The following FGF13 variants were observed in gnomAD, a reference collection of about 807,000 sequenced individuals.
The protein encoded by FGF13 is fibroblast growth factor homologous factor 2.
In FGF13, 2 loss-of-function variants were observed where a neutral mutation model predicts 19.5. The ratio of observed to expected loss-of-function variants is 0.10; its 90% CI spans 0.04 to 0.32. The LOEUF is 0.32. Among genes scored for constraint, FGF13 ranks in the 10% least tolerant of loss-of-function variants. The pLI, the probability that FGF13 is intolerant of heterozygous loss-of-function variation, is 1.00. For synonymous variants in FGF13, 72 were observed against 76.9 expected (o/e 0.94, Z 0.33); for missense variants, 113 against 192.7 (o/e 0.59, Z 2.45).
chrX:139,090,616 C>A lies in FGF13; in HGVS notation c.-113+112800G>T, dbSNP rs545450210. Among the ~76,000 whole-genome samples the A allele has an allele frequency of 2.9e-4, 32 of 110,637 alleles. No homozygotes were observed. The South Asian group carries it at 0.013, about 43-fold the overall frequency. ...CTCCCACCCTCTGCCCTCCGATAGG[C>A]CCCAGTGTGTGCTGTTAAACGTGCA... On this transcript the variant is annotated intron_variant, in intron 1 of 2. Coordinates refer to the FGF13 transcript ENST00000421460.
At chrX:138,729,648 T>C (rs1240691197) in intron 1 of FGF13, among the ~76,000 whole-genome samples, 4 of 109,747 alleles carry the variant, frequency 3.6e-5, no homozygotes, top group Non-Finnish European at 3.8e-5. Flanking sequence ...CAACATGTTA[T>C]GTATCTAAGA....
At chrX:138,749,744 G>A (rs2090384066) in intron 3 of FGF13, among the ~76,000 whole-genome samples, 1 of 111,661 alleles carries the variant, frequency 9.0e-6, no homozygotes. Flanking sequence ...TGGAATGGCT[G>A]GAGCACAGAT....
chrX:139,020,642 C>T (rs1327562875), intron 1 of FGF13, among the ~76,000 whole-genome samples: 1 of 111,275 alleles, frequency 9.0e-6, no homozygotes, highest in African/African-American at 3.3e-5. Flanking sequence ...TAAAGCTTTC[C>T]CCAAGAACTG....
chrX:138,960,623 C>G (rs557771092), intron 1 of FGF13, among the ~76,000 whole-genome samples: 1 of 111,966 alleles, frequency 8.9e-6, no homozygotes, highest in Non-Finnish European at 1.9e-5. Context: ...TCGTTCCATT[C>G]TCCCCGTCAC....
chrX:139,034,422 T>C (rs188762404), intron 1 of FGF13, among the ~76,000 whole-genome samples: 2 of 111,203 alleles, frequency 1.8e-5, no homozygotes, highest in East Asian at 5.7e-4. Context: ...GGTAACAACA[T>C]GTATGAAGAC....
chrX:138,744,454 A>G (rs1237081476), intron 3 of FGF13, among the ~76,000 whole-genome samples: 5 of 111,935 alleles, frequency 4.5e-5, no homozygotes, highest in African/African-American at 1.6e-4. Context: ...GGGCTTTTAT[A>G]AGAATTAAAT....
intron 1 of FGF13, among the ~76,000 whole-genome samples, chrX:139,067,688 C>T (rs1276896249): frequency 3.6e-5 from 4 of 112,044 alleles, no homozygotes; most frequent in Admixed American, 9.4e-5. Context: ...GAATCGATAT[C>T]GTGAAAATGG....
At chrX:138,799,441 C>G (rs2123993422) in intron 3 of FGF13, among the ~76,000 whole-genome samples, 1 of 111,791 alleles carries the variant, frequency 8.9e-6, no homozygotes, top group African/African-American at 3.2e-5. Context: ...GTTATGATTT[C>G]CATTCTTTTG....
chrX:138,721,482 C>T (rs894576198), intron 1 of FGF13, among the ~76,000 whole-genome samples: 1 of 111,605 alleles, frequency 9.0e-6, no homozygotes. Flanking sequence ...GCTATCAACT[C>T]TTTACTTATT....
Position 138,828,081 on chromosome X carries a change from T to C in FGF13, c.217+29431A>G, listed in dbSNP as rs540629489. ...CATGTACAGTGGTTTACATTATAGGTAATTGCAATCGGCAGAAGGCACTAG... is the reference window on the plus strand; with the variant it reads ...CATGTACAGTGGTTTACATTATAGGCAATTGCAATCGGCAGAAGGCACTAG... On this transcript the variant is annotated intron_variant, in intron 3 of 6. Transcript: ENST00000436198. 4.5e-5 allele frequency among the ~76,000 whole-genome samples: 5 copies of C among 111,868 alleles called. No individual in the cohort carries two copies. In the South Asian group the frequency reaches 1.9e-3, roughly 41 times the overall value.
intron 1 of FGF13, among the ~76,000 whole-genome samples, chrX:138,895,182 T>C (rs960357881): frequency 8.9e-6 from 1 of 112,012 alleles, no homozygotes; most frequent in African/African-American, 3.2e-5. Context: ...AAACAGGATA[T>C]ATTCAAGGTG....
chrX:138,685,524 T>A (rs1450247154), intron 3 of FGF13, among the ~76,000 whole-genome samples: 1 of 111,396 alleles, frequency 9.0e-6, no homozygotes, highest in Non-Finnish European at 1.9e-5. Context: ...GTTACAAATA[T>A]ATTTACTTGG....
upstream of FGF13, chrX:138,711,726 T>A: frequency 1.3e-6 from 1 of 746,220 alleles, no homozygotes; most frequent in Non-Finnish European, 1.6e-6. Context: ...ACAGCCTCCT[T>A]GCAGCCCCCT....
intron 1 of FGF13, among the ~76,000 whole-genome samples, chrX:138,954,835 G>T (rs2091833006): frequency 8.9e-6 from 1 of 111,991 alleles, no homozygotes; most frequent in Non-Finnish European, 1.9e-5. Context: ...TACCGTCTTT[G>T]AGGACCACTA....
intron 1 of FGF13, among the ~76,000 whole-genome samples, chrX:139,066,206 C>G (rs1394655837): frequency 9.0e-6 from 1 of 111,273 alleles, no homozygotes; most frequent in African/African-American, 3.3e-5. Flanking sequence ...ACTAAATGCC[C>G]ACGAGAGAAA....
chrX:138,646,120 T>A (rs963203490), intron 3 of FGF13, among the ~76,000 whole-genome samples: 2 of 112,201 alleles, frequency 1.8e-5, no homozygotes, highest in African/African-American at 6.5e-5. Flanking sequence ...ACATTTAAAG[T>A]TTTCTACAAC....
intron 3 of FGF13, among the ~76,000 whole-genome samples, chrX:138,815,772 TA>T (rs201419270): frequency 2.0e-3 from 208 of 104,410 alleles, no homozygotes; most frequent in African/African-American, 6.4e-3. Context: ...AAGTATAATT[TA>T]AAAAAAAAAG....
At position 138,953,274 on chromosome X, in the gene FGF13, T is replaced by C. The variant is rs1240282946; in HGVS notation, c.-112-88624A>G. Among the ~76,000 whole-genome samples, 3 of 111,233 alleles carry C rather than the reference T, an allele frequency of 2.7e-5. No individual in the cohort carries two copies. The East Asian group carries it at 8.5e-4, about 32-fold the overall frequency. On this transcript the variant is annotated intron_variant, in intron 1 of 2. Transcript: ENST00000421460. The stretch of plus-strand genomic sequence containing the variant: ...TAAAAAGGGATGAGTTCATGTCCTG[T>C]GCAGGGACATGGATGAAGCTGGAAA...
rs144693222 is a variant in FGF13, at chrX:139,199,576, A to G, written c.-113+3840T>C. 5.3e-3 allele frequency among the ~76,000 whole-genome samples: 593 copies of G among 111,789 alleles called. 8 individuals are homozygous for G. The highest frequency in any genetic ancestry group is 0.018 in the African/African-American group (546 of 30,737). Reference sequence around the variant, plus strand: ...GCCTTACAAATCAGCCCTCTGGCTTATCCAATTCTGATTCAAATTCTCTCC... The same window carrying G: ...GCCTTACAAATCAGCCCTCTGGCTTGTCCAATTCTGATTCAAATTCTCTCC... On this transcript the variant is annotated intron_variant, in intron 1 of 2. Coordinates refer to the FGF13 transcript ENST00000421460.
Sources: allele counts gnomAD v4.1 joint callset (sites outside exome capture counted in the v4.1 genomes callset), GRCh38; gene constraint gnomAD v4.1.1; transcripts MANE v1.5; gene names NCBI Gene and HGNC (gene_info 2026-07-23, HGNC 2026-07-21).